ACBD5: variants seen among roughly 807,000 people sequenced by gnomAD.
ACBD5 encodes the protein acyl-CoA-binding domain-containing protein 5.
Under a neutral mutation model 71.8 loss-of-function variants are expected in ACBD5, and 40 were observed. The ratio of observed to expected loss-of-function variants is 0.56; its 90% CI spans 0.43 to 0.72. ACBD5 has a LOEUF of 0.72. Ranked by LOEUF, ACBD5 falls within the 30% of genes least tolerant of loss-of-function variation. The pLI is 0.00. For synonymous variants in ACBD5, 229 were observed against 218.6 expected (o/e 1.05, Z -0.42); for missense variants, 559 against 644.5 (o/e 0.87, Z 1.44).
rs752147433 is a variant in ACBD5, at chr10:27,184,554, A to ATTTTTTTTTTTTTT, written c.1494-1853_1494-1840dup. Among the ~76,000 whole-genome samples the ATTTTTTTTTTTTTT allele has an allele frequency of 4.7e-5, 4 of 84,848 alleles. 1 individual carries two copies. The highest frequency in any genetic ancestry group is 1.4e-4 in the African/African-American group (3 of 21,318). The allele number at this position is 84,848 out of a possible 152,430, so 55.7% of individuals were successfully genotyped here. A position where few individuals can be genotyped will look rare whatever the true frequency, so the allele number is the denominator to read the frequency against. ...AAAAACACTATCACATATAAGAAGG[A>ATTTTTTTTTTTTTT]TTTTTTTTTTTTTTTTTTTTTTTTG... On this transcript the variant is annotated intron_variant, in intron 13 of 13. Transcript: ENST00000676511.
At chr10:27,227,757 G>C (rs7897124) in intron 4 of ACBD5, among the ~76,000 whole-genome samples, 5,271 of 152,082 alleles carry the variant, frequency 0.035, 231 homozygotes, top group East Asian at 0.11. Context: ...CTGTTGCTCA[G>C]GCTGGAGTGC....
In ACBD5 at chr10:27,195,226, A is replaced by T. The variant is rs2059278284; in HGVS notation, c.*2204T>A. 1 of 402,728 alleles carries T rather than the reference A, an allele frequency of 2.5e-6. No homozygotes were observed. Among genetic ancestry groups the T allele is most frequent in the African/African-American group, 2.1e-5 (1 of 47,492 alleles). 24.9% of individuals were successfully genotyped at this position (402,728 alleles called of 1,614,324 possible). A position where few individuals can be genotyped will look rare whatever the true frequency, so the allele number is the denominator to read the frequency against. On this transcript the variant is annotated 3_prime_UTR_variant, in exon 13 of 13. Transcript: ENST00000396271. ...AATAAAAGCCATATCATTTCTCATTAACCTTTTATTTTTAACTTAGTTTTA... is the reference window on the plus strand; with the variant it reads ...AATAAAAGCCATATCATTTCTCATTTACCTTTTATTTTTAACTTAGTTTTA...
chr10:27,189,610 T>C (rs11015596), intron 13 of ACBD5, among the ~76,000 whole-genome samples: 7 of 10,848 alleles, frequency 6.5e-4, no homozygotes, highest in South Asian at 2.1e-3. Flanking sequence ...CATCACACAC[T>C]GGGGCCTGTT....
intron 12 of ACBD5, among the ~76,000 whole-genome samples, chr10:27,198,531 T>C (rs181178752): frequency 6.6e-4 from 100 of 152,280 alleles, no homozygotes; most frequent in Non-Finnish European, 1.0e-3. Context: ...CCTTATCCTC[T>C]GCAGAAATCC....
chr10:27,241,007 G>A, upstream of ACBD5: 1 of 535,264 alleles, frequency 1.9e-6, no homozygotes, highest in Non-Finnish European at 3.4e-6. Context: ...CACACTGTGC[G>A]CGCTTTTGTT....
At chr10:27,208,180 C>T (rs544905257) in intron 10 of ACBD5, 66 bp downstream of exon 10, 13 of 1,474,944 alleles carry the variant, frequency 8.8e-6, no homozygotes, top group African/African-American at 2.8e-5. Context: ...ATATGATCAA[C>T]GCAGACTCCA....
At chr10:27,234,803 G>A (rs1410572402) in intron 3 of ACBD5, among the ~76,000 whole-genome samples, 3 of 152,016 alleles carry the variant, frequency 2.0e-5, no homozygotes, top group East Asian at 1.9e-4. Context: ...GTGGTGGCGC[G>A]CACCTGTAAT....
At position 27,197,048 on chromosome 10, in the gene ACBD5, CTT is replaced by C. The variant is rs142191359; in HGVS notation, c.*380_*381del. 3,892 of 445,250 alleles carry C rather than the reference CTT, an allele frequency of 8.7e-3. 24 individuals carry two copies. Among genetic ancestry groups the C allele is most frequent in the Middle Eastern group, 0.029 (41 of 1,404 alleles). 27.6% of individuals were successfully genotyped at this position (445,250 alleles called of 1,614,324 possible). A position where few individuals can be genotyped will look rare whatever the true frequency, so the allele number is the denominator to read the frequency against. On this transcript the variant is annotated 3_prime_UTR_variant, in exon 13 of 13. Transcript: ENST00000396271. ...TAATTTAGAAAATTAAAAATAATAA[CTT>C]ATAAATTTGATCTCATTATCACAAT...
At chr10:27,186,366 T>C (rs1319799838) in intron 13 of ACBD5, 1 of 1,613,240 alleles carries the variant, frequency 6.2e-7, no homozygotes, top group Admixed American at 1.7e-5. Flanking sequence ...TTTTGTTTTA[T>C]ATTTTTCCTA....
Position 27,231,805 on chromosome 10 carries a change from T to G in ACBD5, c.318A>C (p.Ser106=), listed in dbSNP as rs1477170150. ...CTTCCTCTTTGGTCATATCACCCAG[T>G]GAACTCCAAGCATCCCTAGAAATGA... is the stretch of plus-strand genomic sequence containing the variant. ...IGRYKWDAWS[S]LGDMTKEEAM... is the part of the protein sequence containing the mutation. Residue 106 remains serine (S), a synonymous_variant, in exon 4 of 13, where the codon TCA becomes TCC. Coordinates refer to ENST00000396271, the MANE Select transcript of ACBD5 (RefSeq NM_145698.5). 2.5e-6 allele frequency: 4 copies of G among 1,613,616 alleles called. No homozygotes were observed. Among genetic ancestry groups the G allele is most frequent in the Admixed American group, 3.3e-5 (2 of 60,002 alleles).
At chr10:27,209,776 T>A (rs1370565384) in intron 9 of ACBD5, among the ~76,000 whole-genome samples, 1 of 152,222 alleles carries the variant, frequency 6.6e-6, no homozygotes, top group Non-Finnish European at 1.5e-5. Flanking sequence ...TGATTTTATG[T>A]CCTAGTTTTA....
In ACBD5 at chr10:27,215,986, C is replaced by T. The variant is rs139039833; in HGVS notation, c.830-345G>A. Among the ~76,000 whole-genome samples, 1,116 of 143,526 alleles carry T rather than the reference C, an allele frequency of 7.8e-3. 14 individuals carry two copies. The highest frequency in any genetic ancestry group is 0.027 in the African/African-American group (1,061 of 38,612). The allele number at this position is 143,526 out of a possible 152,430, so 94.2% of individuals were successfully genotyped here. A position where few individuals can be genotyped will look rare whatever the true frequency, so the allele number is the denominator to read the frequency against. On this transcript the variant is annotated intron_variant, in intron 7 of 12. Transcript: ENST00000396271. Reference sequence around the variant, plus strand: ...GCCTCCCGGATTCAAGTGATTCTCCCGCCTCAGCCTCCCGAGTAGCTGGGA... The same window carrying T: ...GCCTCCCGGATTCAAGTGATTCTCCTGCCTCAGCCTCCCGAGTAGCTGGGA...
chr10:27,208,167 T>G, intron 10 of ACBD5, 79 bp downstream of exon 10: 1 of 1,373,410 alleles, frequency 7.3e-7, no homozygotes, highest in Non-Finnish European at 1.0e-6. Context: ...TTAATTTATG[T>G]CAATATGATC....
chr10:27,228,815 A>ATATATT (rs1554856598), intron 4 of ACBD5, among the ~76,000 whole-genome samples: 2 of 20,368 alleles, frequency 9.8e-5, no homozygotes, highest in African/African-American at 2.3e-4. Flanking sequence ...ATATATATAT[A>ATATATT]TTTTTTTTTT....
At chr10:27,226,426 A>G (rs1299740732) in intron 4 of ACBD5, among the ~76,000 whole-genome samples, 2 of 148,046 alleles carry the variant, frequency 1.4e-5, no homozygotes, top group Non-Finnish European at 1.5e-5. Flanking sequence ...AATGGTGCAC[A>G]TGTACACACA....
At chr10:27,212,370 G>C (rs1377014696) in intron 8 of ACBD5, among the ~76,000 whole-genome samples, 1 of 152,076 alleles carries the variant, frequency 6.6e-6, no homozygotes, top group Non-Finnish European at 1.5e-5. Context: ...CTGATTGAGA[G>C]AGAAAACAGG....
At chr10:27,183,142 G>A (rs2058423327) in intron 13 of ACBD5, among the ~76,000 whole-genome samples, 1 of 152,076 alleles carries the variant, frequency 6.6e-6, no homozygotes, top group Non-Finnish European at 1.5e-5. Flanking sequence ...TAAATGTACT[G>A]GATCCCAGGT....
At chr10:27,220,612 A>G (rs1054155951) in intron 5 of ACBD5, 1 of 152,222 alleles carries the variant, frequency 6.6e-6, no homozygotes, top group African/African-American at 2.4e-5. Context: ...TGAGGTAACA[A>G]TACTCCCCAA....
chr10:27,241,326 C>T (rs1187239022), upstream of ACBD5, among the ~76,000 whole-genome samples: 1 of 152,240 alleles, frequency 6.6e-6, no homozygotes, highest in East Asian at 1.9e-4. Flanking sequence ...GCAATCGTGA[C>T]ACCCACTCTA....
Sources: gnomAD v4.1 joint callset for allele counts (sites outside exome capture counted in the v4.1 genomes callset) on GRCh38, gnomAD v4.1.1 for gene constraint, MANE v1.5 for transcripts, NCBI Gene and HGNC (gene_info 2026-07-23, HGNC 2026-07-21) for gene names.